Variants in VEZT observed in about 807,000 individuals in gnomAD.
The protein encoded by VEZT is vezatin.
A neutral mutation model predicts 79.9 loss-of-function variants in VEZT; 39 were observed. The ratio of observed to expected loss-of-function variants is 0.49; its 90% CI spans 0.38 to 0.64. The LOEUF is 0.64. VEZT is among the 30% of genes least tolerant of loss of function. The pLI is 0.00. For missense variants in VEZT, 837 were observed against 893.1 expected, an observed-to-expected ratio of 0.94 and a Z score of 0.80; for synonymous variants, 325 against 327.6, an observed-to-expected ratio of 0.99 and a Z score of 0.09.
At chr12:95,267,119 G>A (rs2065686521) in intron 5 of VEZT, among the ~76,000 whole-genome samples, 1 of 152,142 alleles carries the variant, frequency 6.6e-6, no homozygotes, top group Admixed American at 6.5e-5. Flanking sequence ...TGCAAATAGT[G>A]ATGTTTTCCA....
At chr12:95,229,836 TCC>T (rs912177038) in intron 1 of VEZT, among the ~76,000 whole-genome samples, 3 of 152,100 alleles carry the variant, frequency 2.0e-5, no homozygotes, top group African/African-American at 7.2e-5. Flanking sequence ...ATGCCTGTAA[TCC>T]CAGCACTTTC....
intron 7 of VEZT, among the ~76,000 whole-genome samples, chr12:95,277,268 T>G (rs1271772738): frequency 6.6e-6 from 1 of 152,232 alleles, no homozygotes; most frequent in African/African-American, 2.4e-5. Context: ...TTTATAATAG[T>G]GCACAATGGA....
At chr12:95,275,699 T>C (rs531817139) in intron 7 of VEZT, 18 of 152,004 alleles carry the variant, frequency 1.2e-4, no homozygotes, top group African/African-American at 4.1e-4. Flanking sequence ...TGCAGAGCAC[T>C]CTAAAGTGTC....
At chr12:95,290,706 C>T (rs373185635) in intron 9 of VEZT, 29 of 152,020 alleles carry the variant, frequency 1.9e-4, no homozygotes, top group East Asian at 1.5e-3. Flanking sequence ...TTGGCTTTGG[C>T]GGCACATGTA....
intron 3 of VEZT, chr12:95,258,314 G>A (rs577592220): frequency 2.2e-6 from 1 of 455,290 alleles, no homozygotes; most frequent in Admixed American, 2.4e-5. Context: ...ACATTTTTCT[G>A]TGATTTAGTC....
chr12:95,225,805 A>C (rs1387316944), intron 1 of VEZT, among the ~76,000 whole-genome samples: 3 of 141,626 alleles, frequency 2.1e-5, no homozygotes, highest in Non-Finnish European at 4.6e-5. Context: ...AGAGAGAAGG[A>C]TGGAGGGAAG....
intron 1 of VEZT, chr12:95,224,168 G>C (rs1422477019): frequency 2.2e-6 from 1 of 455,962 alleles, no homozygotes. Context: ...TTGTCCTCTG[G>C]GTTCCATTTA....
rs539921803 is a variant in VEZT at position 95,264,224 on chromosome 12, A to C, written c.434+1143A>C. ...CTTCTTATCCTTCAAAAATACAAGA[A>C]TTTAAGGAGCTGATAGAAGGAACCA... On this transcript the variant is annotated intron_variant, in intron 4 of 11. Transcript: ENST00000436874. Among the ~76,000 whole-genome samples the C allele has an allele frequency of 1.3e-3, 199 of 152,234 alleles. 1 individual carries two copies. The highest frequency in any genetic ancestry group is 2.4e-3 in the Non-Finnish European group (161 of 67,992).
chr12:95,300,788 A>G lies in VEZT; in HGVS notation c.*115A>G. 1 of 1,333,248 alleles carries G rather than the reference A, an allele frequency of 7.5e-7. No homozygotes were observed. The highest frequency in any genetic ancestry group is 2.7e-5 in the East Asian group (1 of 37,624). 82.6% of individuals were successfully genotyped at this position (1,333,248 alleles called of 1,614,324 possible). On this transcript the variant is annotated 3_prime_UTR_variant, in exon 12 of 12. Transcript: ENST00000436874. The stretch of plus-strand genomic sequence containing the variant: ...TACTATATATAAAGCTAAGATGTGG[A>G]TTTACAGGAAGAACCCTGGTTTGAA...
rs187428041 is a variant in VEZT at position 95,256,432 on chromosome 12, C to G, written c.169-718C>G. The G allele has an allele frequency of 1.1e-5, 5 of 458,444 alleles. No individual in the cohort carries two copies. The Admixed American group carries it at 2.1e-4, about 19-fold the overall frequency. 28.4% of individuals were successfully genotyped at this position (458,444 alleles called of 1,614,324 possible). On this transcript the variant is annotated intron_variant, in intron 2 of 11. Coordinates refer to ENST00000436874, the MANE Select transcript of VEZT (RefSeq NM_017599.4). ...TAGCTCCTCTCTGACCTCCTCTTTTCCAATACTTTTTCAGACTTTACATTG... is the reference window on the plus strand; with the variant it reads ...TAGCTCCTCTCTGACCTCCTCTTTTGCAATACTTTTTCAGACTTTACATTG...
At chr12:95,249,913 T>C (rs2062258880) in intron 1 of VEZT, among the ~76,000 whole-genome samples, 1 of 151,960 alleles carries the variant, frequency 6.6e-6, no homozygotes, top group Non-Finnish European at 1.5e-5. Flanking sequence ...ATAATAATGA[T>C]AATGATGATA....
intron 1 of VEZT, among the ~76,000 whole-genome samples, chr12:95,222,151 T>G (rs1460302330): frequency 6.6e-6 from 1 of 152,206 alleles, no homozygotes; most frequent in Non-Finnish European, 1.5e-5. Flanking sequence ...TTTAATCGTG[T>G]CTTTCAATGA....
chr12:95,228,498 T>G (rs1441724760), intron 1 of VEZT, among the ~76,000 whole-genome samples: 1 of 152,090 alleles, frequency 6.6e-6, no homozygotes, highest in Admixed American at 6.5e-5. Context: ...ATTTAAGGTA[T>G]TATTATATCA....
At chr12:95,281,788 C>T (rs1271178509) in intron 7 of VEZT, among the ~76,000 whole-genome samples, 1 of 152,054 alleles carries the variant, frequency 6.6e-6, no homozygotes, top group African/African-American at 2.4e-5. Context: ...TCAAGTGATC[C>T]ATCCGCCTTC....
intron 3 of VEZT, among the ~76,000 whole-genome samples, chr12:95,260,810 G>A (rs972549554): frequency 1.3e-5 from 2 of 152,076 alleles, no homozygotes; most frequent in Middle Eastern, 3.2e-3. Flanking sequence ...ATGCCCCTGC[G>A]CTCCTTTTTT....
chr12:95,274,743 T>A lies in VEZT; in HGVS notation c.850T>A (p.Tyr284Asn). The A allele has an allele frequency of 3.1e-6, 5 of 1,609,520 alleles. No homozygotes were observed. Among genetic ancestry groups the A allele is most frequent in the Non-Finnish European group, 4.2e-6 (5 of 1,178,454 alleles). The change falls in exon 7 of 12, where the codon TAC (tyrosine) becomes AAC (asparagine). Residue 284 changes from tyrosine to asparagine, a missense_variant and splice_region_variant. Tyr to Asn is a moderately radical substitution (Grantham distance 143). Coordinates refer to ENST00000436874, the MANE Select transcript of VEZT (RefSeq NM_017599.4). The stretch of plus-strand genomic sequence containing the variant: ...TTGATTGCCTTAACCTAATTTAACC[T>A]ACCCCCTGAACTCTGAGAGTGACAA... Reference protein sequence around the residue: ...RLATLYMLKNYPLNSESDNVT... With the variant: ...RLATLYMLKNNPLNSESDNVT...
chr12:95,228,589 C>T (rs886584709), intron 1 of VEZT, among the ~76,000 whole-genome samples: 14 of 151,744 alleles, frequency 9.2e-5, no homozygotes, highest in African/African-American at 3.4e-4. Flanking sequence ...TAATCTTGTT[C>T]CAAGTAGTAG....
intron 1 of VEZT, among the ~76,000 whole-genome samples, chr12:95,232,527 A>G (rs1368331065): frequency 6.6e-6 from 1 of 152,134 alleles, no homozygotes; most frequent in African/African-American, 2.4e-5. Flanking sequence ...TTACTTCTCA[A>G]ACATTACACA....
At chr12:95,234,894 C>T (rs939265337) in intron 1 of VEZT, among the ~76,000 whole-genome samples, 1 of 152,110 alleles carries the variant, frequency 6.6e-6, no homozygotes, top group African/African-American at 2.4e-5. Flanking sequence ...ATCTGTTTAA[C>T]AAAGCACATC....
Sources: gnomAD v4.1 joint callset for allele counts (sites outside exome capture counted in the v4.1 genomes callset) on GRCh38, gnomAD v4.1.1 for gene constraint, MANE v1.5 for transcripts, NCBI Gene and HGNC (gene_info 2026-07-23, HGNC 2026-07-21) for gene names.